The following DNAH6 variants were observed in gnomAD, a reference collection of about 807,000 sequenced individuals.
The protein encoded by DNAH6 is dynein axonemal heavy chain 6, also known as axonemal beta dynein heavy chain 6.
DNAH6 carries 340 observed loss-of-function variants against 491.4 expected under a neutral mutation model. The observed-to-expected ratio is 0.69, with a 90% CI of 0.63 to 0.76. The LOEUF (loss-of-function observed/expected upper bound fraction) is 0.76. Among genes scored for constraint, DNAH6 ranks in the 30% least tolerant of loss-of-function variants. The pLI is 0.00. For missense variants in DNAH6, 4,443 were observed against 4,972.2 expected, an observed-to-expected ratio of 0.89 and a Z score of 3.20; for synonymous variants, 1,603 against 1,686.1, an observed-to-expected ratio of 0.95 and a Z score of 1.21.
intron 11 of DNAH6, among the ~76,000 whole-genome samples, chr2:84,559,967 A>C (rs1472858777): frequency 6.6e-6 from 1 of 152,184 alleles, no homozygotes; most frequent in Non-Finnish European, 1.5e-5. Flanking sequence ...AAAGATAAGA[A>C]AACAACCAAG....
chr2:84,778,319 C>T (rs1054823447), intron 64 of DNAH6: 8 of 472,366 alleles, frequency 1.7e-5, no homozygotes, highest in Non-Finnish European at 2.0e-5. Context: ...GTGGCTCCAG[C>T]GCCTGGCTTT....
intron 37 of DNAH6, among the ~76,000 whole-genome samples, chr2:84,662,483 G>T (rs1004592807): frequency 2.6e-5 from 4 of 152,178 alleles, no homozygotes; most frequent in African/African-American, 9.7e-5. Context: ...AGGGTCCCAC[G>T]CCCACAGATC....
At chr2:84,738,999 C>T (rs1672263444) in intron 62 of DNAH6, among the ~76,000 whole-genome samples, 1 of 152,124 alleles carries the variant, frequency 6.6e-6, no homozygotes, top group Non-Finnish European at 1.5e-5. Flanking sequence ...ATTGAGAACT[C>T]CCTTAAGCAT....
intron 16 of DNAH6, among the ~76,000 whole-genome samples, chr2:84,593,024 A>G (rs1684254395): frequency 6.6e-6 from 1 of 152,222 alleles, no homozygotes; most frequent in Non-Finnish European, 1.5e-5. Context: ...CCCTGTTAAC[A>G]TTGTTATAGT....
Position 84,801,263 on chromosome 2 carries a change from GAAAAAGAAAAAAAAA to G in DNAH6, c.11481+3615_11481+3629del, listed in dbSNP as rs969112886. ...AAGTATAATTAAAAAAAAAGAAAAAGAAAAAGAAAAAAAAAAAAAAGAAAGTAAGCAACTGGAAAA... is the reference window on the plus strand; with the variant it reads ...AAGTATAATTAAAAAAAAAGAAAAAGAAAAAGAAAGTAAGCAACTGGAAAA... On this transcript the variant is annotated intron_variant, in intron 70 of 76. Coordinates refer to ENST00000389394, the MANE Select transcript of DNAH6 (RefSeq NM_001370.2). Among the ~76,000 whole-genome samples, 6 of 118,626 alleles carry G rather than the reference GAAAAAGAAAAAAAAA, an allele frequency of 5.1e-5. 1 individual carries two copies. Among genetic ancestry groups the G allele is most frequent in the Non-Finnish European group, 9.0e-5 (5 of 55,542 alleles). The allele number at this position is 118,626 out of a possible 152,430, so 77.8% of individuals were successfully genotyped here.
chr2:84,619,118 A>T (rs1490350910), intron 23 of DNAH6, among the ~76,000 whole-genome samples: 7 of 152,210 alleles, frequency 4.6e-5, no homozygotes, highest in Non-Finnish European at 1.0e-4. Flanking sequence ...GTATAGCCTC[A>T]CATGGTTGGA....
Position 84,672,381 on chromosome 2 carries a change from G to T in DNAH6, c.6509G>T (p.Arg2170Ile). The T allele has an allele frequency of 6.4e-7, 1 of 1,551,718 alleles. No homozygotes were observed. The highest frequency in any genetic ancestry group is 8.7e-7 in the Non-Finnish European group (1 of 1,146,916). The change falls in exon 40 of 77, where the codon AGA (arginine) becomes ATA (isoleucine). Residue 2170 changes from arginine (R) to isoleucine (I), a missense_variant. By Grantham distance (97) the Arg-to-Ile change is moderately conservative. Around this residue, in one of 3 missense-constraint regions of DNAH6, gnomAD observed 2,977 missense variants for 3,296.6 expected, o/e 0.90. Transcript: ENST00000389394. ...VIFVDDLNMP[R>I]LDRYGSQPPI... ...TTTGTTGATGATTTAAACATGCCCA[G>T]ACTGGATCGCTATGGCTCTCAGCCT...
chr2:84,515,759 C>A (rs1675547946), upstream of DNAH6, among the ~76,000 whole-genome samples: 2 of 152,202 alleles, frequency 1.3e-5, no homozygotes, highest in African/African-American at 4.8e-5. Flanking sequence ...AAGCAACAGG[C>A]CCTGGCCTTC....
chr2:84,526,748 A>C (rs1232779590), intron 3 of DNAH6, among the ~76,000 whole-genome samples: 1 of 152,158 alleles, frequency 6.6e-6, no homozygotes, highest in Non-Finnish European at 1.5e-5. Flanking sequence ...TGGAATTATA[A>C]AGCTTCAGTT....
intron 4 of DNAH6, among the ~76,000 whole-genome samples, chr2:84,530,479 C>G (rs1677061958): frequency 6.6e-6 from 1 of 152,116 alleles, no homozygotes; most frequent in Non-Finnish European, 1.5e-5. Context: ...GCTGGTGTGA[C>G]TACAGTAGAG....
At position 84,659,066 on chromosome 2, in the gene DNAH6, T is replaced by A; in HGVS notation, c.5981T>A (p.Val1994Glu). 6.7e-7 allele frequency: 1 copy of A among 1,488,564 alleles called. No homozygotes were observed. 92.2% of individuals were successfully genotyped at this position (1,488,564 alleles called of 1,614,324 possible). The change falls in exon 37 of 77, where the codon GTA becomes GAA. Residue 1994 changes from valine (V) to glutamate (E), a missense_variant. Val to Glu is a moderately radical substitution (Grantham distance 121). Around this residue, in one of 3 missense-constraint regions of DNAH6, gnomAD observed 2,977 missense variants for 3,296.6 expected, o/e 0.90. Coordinates refer to ENST00000389394, the MANE Select transcript of DNAH6 (RefSeq NM_001370.2). ...KLNTILCQTF[V>E]FCYLWSLGGN... ...AACACTATACTATGTCAGACTTTTG[T>A]ATTCTGTTATTTGTGGTCTTTGGGT...
chr2:84,747,476 G>C (rs1673069630), intron 63 of DNAH6, among the ~76,000 whole-genome samples: 2 of 152,204 alleles, frequency 1.3e-5, no homozygotes, highest in African/African-American at 4.8e-5. Context: ...TGCATCCTGA[G>C]CATACCGGTG....
chr2:84,602,873 T>G (rs1224469912), intron 18 of DNAH6, among the ~76,000 whole-genome samples: 1 of 151,068 alleles, frequency 6.6e-6, no homozygotes, highest in Non-Finnish European at 1.5e-5. Context: ...TATCTTCAAG[T>G]TCATTCATTC....
At chr2:84,795,775 A>G (rs1046492046) in intron 68 of DNAH6, among the ~76,000 whole-genome samples, 18 of 152,262 alleles carry the variant, frequency 1.2e-4, no homozygotes, top group African/African-American at 4.3e-4. Context: ...ATGGGATACC[A>G]ATCAGTTATA....
intron 55 of DNAH6, 50 bp from the exon 56 acceptor site, chr2:84,710,237 C>A: frequency 6.6e-7 from 1 of 1,515,010 alleles, no homozygotes; most frequent in South Asian, 1.3e-5. Context: ...GCTTTCTAGC[C>A]ATTTATTATG....
At chr2:84,678,836 CTG>C (rs1693504034) in intron 41 of DNAH6, among the ~76,000 whole-genome samples, 1 of 152,188 alleles carries the variant, frequency 6.6e-6, no homozygotes, top group South Asian at 2.1e-4. Context: ...TGTGGCAAAA[CTG>C]AGAGATTCTG....
rs1312434343 is a variant in DNAH6 at position 84,731,838 on chromosome 2, A to T, written c.10207-1606A>T. 7.9e-5 allele frequency among the ~76,000 whole-genome samples: 12 copies of T among 152,180 alleles called. 1 individual carries two copies. In the East Asian group the frequency reaches 2.3e-3, roughly 29 times the overall value. On this transcript the variant is annotated intron_variant, in intron 61 of 76. Coordinates refer to ENST00000389394, the MANE Select transcript of DNAH6 (RefSeq NM_001370.2). ...AGACCAGAAGGAAACCCAAACACTG[A>T]CTCCAGCAACTCCTTCAAAGGGGCC...
chr2:84,801,416 C>T (rs1014506268), intron 70 of DNAH6, among the ~76,000 whole-genome samples: 20 of 152,010 alleles, frequency 1.3e-4, no homozygotes, highest in Admixed American at 1.3e-4. Context: ...CTGACCATCC[C>T]TAAGACATAG....
chr2:84,723,707 T>G (rs1331703485), intron 60 of DNAH6, among the ~76,000 whole-genome samples: 2 of 152,230 alleles, frequency 1.3e-5, no homozygotes, highest in Non-Finnish European at 2.9e-5. Context: ...CCTTTGTTTC[T>G]GTCCCACTTT....
Sources: allele counts gnomAD v4.1 joint callset (sites outside exome capture counted in the v4.1 genomes callset), GRCh38; gene constraint gnomAD v4.1.1; regional missense constraint gnomAD v4.1.1; transcripts MANE v1.5; gene names NCBI Gene and HGNC (gene_info 2026-07-23, HGNC 2026-07-21).